MET: variants seen among roughly 807,000 people sequenced by gnomAD.
MET encodes hepatocyte growth factor receptor.
MET carries 48 observed loss-of-function variants against 133.1 expected under a neutral mutation model. That is an observed-to-expected ratio of 0.36 (90% confidence interval 0.29 to 0.46). The LOEUF is 0.46. Ranked by LOEUF, MET falls within the 20% of genes least tolerant of loss-of-function variation. The probability of loss-of-function intolerance (pLI) is 1.00; values close to 1 mark genes in which losing one functional copy is unlikely to be tolerated. For synonymous variants in MET, 628 were observed against 616.5 expected, an observed-to-expected ratio of 1.02 and a Z score of -0.28; for missense variants, 1,442 against 1,695.9, an observed-to-expected ratio of 0.85 and a Z score of 2.63.
chr7:116,723,652 T>G (rs1221362186), intron 2 of MET, among the ~76,000 whole-genome samples: 42 of 152,264 alleles, frequency 2.8e-4, no homozygotes, highest in Non-Finnish European at 4.6e-4. Context: ...GATGTACAGA[T>G]GGGTTTTTGG....
At chr7:116,677,917 T>C (rs1796215424) in intron 1 of MET, among the ~76,000 whole-genome samples, 1 of 152,190 alleles carries the variant, frequency 6.6e-6, no homozygotes, top group South Asian at 2.1e-4. Flanking sequence ...TGCATCAATT[T>C]CATTTCCAAG....
intron 1 of MET, among the ~76,000 whole-genome samples, chr7:116,693,770 G>A (rs1303514988): frequency 6.6e-6 from 1 of 152,164 alleles, no homozygotes; most frequent in African/African-American, 2.4e-5. Flanking sequence ...TGTATCTTCA[G>A]CACTCTGTAC....
chr7:116,783,228 T>C (rs935715389), intron 18 of MET, 76 bp from the exon 19 acceptor site: 2 of 1,561,446 alleles, frequency 1.3e-6, no homozygotes, highest in Non-Finnish European at 1.8e-6. Context: ...AGCCACTTGT[T>C]TAATCTGTAG....
intron 3 of MET, among the ~76,000 whole-genome samples, chr7:116,738,386 A>G (rs1793314451): frequency 6.6e-6 from 1 of 152,170 alleles, no homozygotes. Context: ...GCTTGTAACC[A>G]GTACCCAAAG....
rs2117029303 is a variant in MET at position 116,774,871 on chromosome 7, C to T, written c.3029-10C>T. On this transcript the variant is annotated splice_polypyrimidine_tract_variant and intron_variant, in intron 14 of 20. Coordinates refer to ENST00000397752, the MANE Select transcript of MET (RefSeq NM_000245.4). ...CTGTTGTTCTTTAATAATTTTCCTTCATCTTACAGATCAGTTTCCTAATTC... is the reference window on the plus strand; with the variant it reads ...CTGTTGTTCTTTAATAATTTTCCTTTATCTTACAGATCAGTTTCCTAATTC... 1 of 1,609,974 alleles carries T rather than the reference C, an allele frequency of 6.2e-7. No homozygotes were observed. Among genetic ancestry groups the T allele is most frequent in the Non-Finnish European group, 8.5e-7 (1 of 1,176,464 alleles).
chr7:116,723,229 A>C (rs1252721086), intron 2 of MET, among the ~76,000 whole-genome samples: 2 of 145,452 alleles, frequency 1.4e-5, no homozygotes, highest in African/African-American at 2.6e-5. Context: ...CATTTCATTC[A>C]TTTCATCTTC....
chr7:116,743,556 C>T (rs1006058983), intron 5 of MET, among the ~76,000 whole-genome samples: 32 of 152,176 alleles, frequency 2.1e-4, no homozygotes, highest in Admixed American at 7.2e-4. Flanking sequence ...GGGTGTCCAC[C>T]ATTACTGAGG....
intron 1 of MET, among the ~76,000 whole-genome samples, chr7:116,679,250 TC>T (rs1292286021): frequency 2.0e-5 from 3 of 152,202 alleles, no homozygotes; most frequent in African/African-American, 7.2e-5. Context: ...CTAGCTAATG[TC>T]AGTTCTTCTA....
chr7:116,729,411 A>G (rs1277472557), intron 2 of MET, among the ~76,000 whole-genome samples: 10 of 152,178 alleles, frequency 6.6e-5, no homozygotes, highest in Admixed American at 6.5e-4. Flanking sequence ...GTAGATGTAA[A>G]AACTCTGGAT....
In MET at chr7:116,784,192, G is replaced by T. The variant is rs1584966477; in HGVS notation, c.3798+723G>T. 3.9e-5 allele frequency among the ~76,000 whole-genome samples: 6 copies of T among 152,278 alleles called. 1 individual carries two copies. The highest frequency in any genetic ancestry group is 3.3e-4 in the Admixed American group (5 of 15,292). ...TAAGGAAACAGTACTTAGTTATTTGGCAAGAACAGAACACAGAGAGGGAAG... is the reference window on the plus strand; with the variant it reads ...TAAGGAAACAGTACTTAGTTATTTGTCAAGAACAGAACACAGAGAGGGAAG... On this transcript the variant is annotated intron_variant, in intron 19 of 20. Coordinates refer to ENST00000397752, the MANE Select transcript of MET (RefSeq NM_000245.4).
At chr7:116,764,965 A>G (rs1173096135) in intron 11 of MET, among the ~76,000 whole-genome samples, 1 of 152,152 alleles carries the variant, frequency 6.6e-6, no homozygotes, top group Admixed American at 6.5e-5. Flanking sequence ...TGTGTCAGCA[A>G]TCTAACTCTT....
At chr7:116,756,976 C>G (rs1221502920) in intron 6 of MET, among the ~76,000 whole-genome samples, 1 of 152,144 alleles carries the variant, frequency 6.6e-6, no homozygotes, top group African/African-American at 2.4e-5. Flanking sequence ...CGCCTGTGAT[C>G]CCAGCACTTT....
At chr7:116,683,441 C>G (rs1244972425) in intron 1 of MET, among the ~76,000 whole-genome samples, 2 of 152,108 alleles carry the variant, frequency 1.3e-5, no homozygotes, top group Non-Finnish European at 2.9e-5. Context: ...ATTTTTCATT[C>G]ACCTCTTACT....
At chr7:116,795,268 G>T (rs569314925) in intron 19 of MET, among the ~76,000 whole-genome samples, 33 of 152,150 alleles carry the variant, frequency 2.2e-4, no homozygotes, top group African/African-American at 7.5e-4. Context: ...TTTAAATTTT[G>T]GGAGGCTTTC....
Position 116,745,074 on chromosome 7 carries a change from A to G in MET, c.1701+4049A>G, listed in dbSNP as rs187628434. Among the ~76,000 whole-genome samples the G allele has an allele frequency of 7.2e-5, 11 of 152,388 alleles. No individual in the cohort carries two copies. In the East Asian group the frequency reaches 2.1e-3, roughly 29 times the overall value. The stretch of plus-strand genomic sequence containing the variant: ...TCTCCTTAAGCTGATAAGCAACTTT[A>G]GCAAAGTCTCAGGATACAAATTCAA... On this transcript the variant is annotated intron_variant, in intron 5 of 20. Transcript: ENST00000397752.
chr7:116,724,718 G>C (rs148755295), intron 2 of MET: 1 of 867,000 alleles, frequency 1.2e-6, no homozygotes, highest in Non-Finnish European at 1.7e-6. Context: ...GAAGCCACCC[G>C]GTAGAGCTGG....
intron 17 of MET, among the ~76,000 whole-genome samples, chr7:116,780,907 T>TA (rs572253987): frequency 4.9e-4 from 74 of 152,238 alleles, no homozygotes; most frequent in Non-Finnish European, 9.7e-4. Context: ...TCTGATGTTC[T>TA]AACATCTTGG....
intron 10 of MET, 124 bp downstream of exon 10, chr7:116,759,614 T>C: frequency 9.3e-7 from 1 of 1,075,514 alleles, no homozygotes; most frequent in South Asian, 1.4e-5. Flanking sequence ...TTCCTTGCAG[T>C]GTAGCCAAGT....
intron 10 of MET, among the ~76,000 whole-genome samples, chr7:116,759,900 CA>C (rs1794330203): frequency 1.3e-5 from 2 of 152,128 alleles, no homozygotes; most frequent in South Asian, 4.1e-4. Context: ...CTCAGCCTCC[CA>C]AGTAGCTGAG....
Sources: allele counts gnomAD v4.1 joint callset (sites outside exome capture counted in the v4.1 genomes callset), GRCh38; gene constraint gnomAD v4.1.1; transcripts MANE v1.5; gene names NCBI Gene and HGNC (gene_info 2026-07-23, HGNC 2026-07-21).